Variants in TBC1D22B observed in about 807,000 individuals in gnomAD.
TBC1D22B encodes the protein TBC1 domain family member 22B.
In TBC1D22B, 32 loss-of-function variants were observed where a neutral mutation model predicts 69.1. The ratio of observed to expected loss-of-function variants is 0.46; its 90% CI spans 0.35 to 0.62. The LOEUF is 0.62. TBC1D22B is among the 20% of genes least tolerant of loss of function. The pLI, the probability that TBC1D22B is intolerant of heterozygous loss-of-function variation, is 0.00. For missense variants in TBC1D22B, 462 were observed against 630.9 expected, an observed-to-expected ratio of 0.73 and a Z score of 2.87; for synonymous variants, 206 against 229.8, an observed-to-expected ratio of 0.90 and a Z score of 0.94.
chr6:37,295,406 A>G (rs1229698442), intron 8 of TBC1D22B, among the ~76,000 whole-genome samples: 1 of 152,202 alleles, frequency 6.6e-6, no homozygotes, highest in Non-Finnish European at 1.5e-5. Flanking sequence ...ACACCTGGCC[A>G]GATTGACTTC....
At chr6:37,330,994 C>A in intron 12 of TBC1D22B, 50 bp from the exon 13 acceptor site, 1 of 1,607,162 alleles carries the variant, frequency 6.2e-7, no homozygotes, top group South Asian at 1.1e-5. Flanking sequence ...GTTCACTTGT[C>A]TGATGGTCTA....
At chr6:37,279,235 A>C in intron 2 of TBC1D22B, 69 bp from the exon 3 acceptor site, 1 of 1,386,324 alleles carries the variant, frequency 7.2e-7, no homozygotes, top group African/African-American at 1.5e-5. Context: ...TAATATTACA[A>C]TAATAAGCAA....
chr6:37,328,574 C>T (rs575216004), intron 12 of TBC1D22B, among the ~76,000 whole-genome samples: 5 of 152,028 alleles, frequency 3.3e-5, no homozygotes, highest in Admixed American at 6.6e-5. Flanking sequence ...GAAATGCTTA[C>T]GGTAAATGTT....
chr6:37,299,101 T>C (rs1182263481), intron 8 of TBC1D22B, among the ~76,000 whole-genome samples: 1 of 152,236 alleles, frequency 6.6e-6, no homozygotes, highest in Non-Finnish European at 1.5e-5. Context: ...GGATGAAGTC[T>C]AGTGTATTTC....
chr6:37,327,903 T>A (rs1393984720), intron 12 of TBC1D22B, among the ~76,000 whole-genome samples: 1 of 152,086 alleles, frequency 6.6e-6, no homozygotes, highest in East Asian at 1.9e-4. Flanking sequence ...AGGGAAGACT[T>A]TGCATTAGCA....
At chr6:37,283,545 G>A (rs1157717839) in intron 5 of TBC1D22B, among the ~76,000 whole-genome samples, 2 of 152,178 alleles carry the variant, frequency 1.3e-5, no homozygotes, top group Non-Finnish European at 2.9e-5. Flanking sequence ...CACTCTCCAG[G>A]CACTCACTGC....
chr6:37,327,062 A>T (rs1236386223), intron 12 of TBC1D22B, among the ~76,000 whole-genome samples: 1 of 152,132 alleles, frequency 6.6e-6, no homozygotes, highest in Middle Eastern at 3.2e-3. Context: ...TGGGATAGGG[A>T]CATGGTGCGG....
In TBC1D22B at chr6:37,327,206, C is replaced by T. The variant is rs940185967; in HGVS notation, c.1390-3838C>T. Among the ~76,000 whole-genome samples the T allele has an allele frequency of 1.3e-4, 12 of 94,902 alleles. 1 individual carries two copies. Among genetic ancestry groups the T allele is most frequent in the South Asian group, 5.6e-4 (2 of 3,576 alleles). 62.3% of individuals were successfully genotyped at this position (94,902 alleles called of 152,430 possible). A position where few individuals can be genotyped will look rare whatever the true frequency, so the allele number is the denominator to read the frequency against. On this transcript the variant is annotated intron_variant, in intron 12 of 12. Transcript: ENST00000373491. ...AAATAAGTTGAGATAGGGCCGGGCG[C>T]GGTGGCTCGCGCCTGTAATCCCAGC...
intron 8 of TBC1D22B, among the ~76,000 whole-genome samples, chr6:37,312,596 T>G (rs565500898): frequency 6.6e-6 from 1 of 152,222 alleles, no homozygotes; most frequent in Non-Finnish European, 1.5e-5. Flanking sequence ...TATAATTCAT[T>G]GAACATGAGA....
At position 37,266,466 on chromosome 6, in the gene TBC1D22B, C is replaced by CT. The variant is rs11336445; in HGVS notation, c.57-3115dup. On this transcript the variant is annotated intron_variant, in intron 1 of 12. Transcript: ENST00000373491. ...TCAGTGAATATAGAACTGCCTCATTCTTTTTTTTTTTTTGAGACGGAGTCT... is the reference window on the plus strand; with the variant it reads ...TCAGTGAATATAGAACTGCCTCATTCTTTTTTTTTTTTTTGAGACGGAGTCT... Among the ~76,000 whole-genome samples, 411 of 142,820 alleles carry CT rather than the reference C, an allele frequency of 2.9e-3. 3 individuals carry two copies. The highest frequency in any genetic ancestry group is 9.4e-3 in the African/African-American group (366 of 39,022). 93.7% of individuals were successfully genotyped at this position (142,820 alleles called of 152,430 possible).
intron 8 of TBC1D22B, among the ~76,000 whole-genome samples, chr6:37,308,731 A>T (rs890051505): frequency 6.6e-6 from 1 of 152,212 alleles, no homozygotes. Flanking sequence ...GAGAACTTTT[A>T]AAATTGACTT....
At chr6:37,271,302 G>C (rs558579014) in intron 2 of TBC1D22B, among the ~76,000 whole-genome samples, 1 of 152,290 alleles carries the variant, frequency 6.6e-6, no homozygotes, top group African/African-American at 2.4e-5. Context: ...AACAGAGCAA[G>C]ACTCTGTCTC....
At chr6:37,263,363 G>C (rs1304139518) in intron 1 of TBC1D22B, among the ~76,000 whole-genome samples, 1 of 152,216 alleles carries the variant, frequency 6.6e-6, no homozygotes, top group South Asian at 2.1e-4. Flanking sequence ...CAAAGAGCAA[G>C]ATGTAGAAAG....
Position 37,263,386 on chromosome 6 carries a change from T to C in TBC1D22B, c.56+5413T>C, listed in dbSNP as rs117179940. ...AAGATGTAGAAAGATATGTGCAATG[T>C]GCAGTCTTTTATGTGAAGTTTAAAA... On this transcript the variant is annotated intron_variant, in intron 1 of 12. Transcript: ENST00000373491. Among the ~76,000 whole-genome samples, 56 of 152,356 alleles carry C rather than the reference T, an allele frequency of 3.7e-4. 1 individual carries two copies. In the East Asian group the frequency reaches 0.011, roughly 29 times the overall value.
intron 12 of TBC1D22B, among the ~76,000 whole-genome samples, chr6:37,327,652 G>C (rs558337859): frequency 1.3e-5 from 2 of 152,304 alleles, no homozygotes; most frequent in Admixed American, 1.3e-4. Context: ...ATCAGCTAAA[G>C]GCAGAGTTTT....
intron 1 of TBC1D22B, among the ~76,000 whole-genome samples, chr6:37,262,563 A>G (rs1766142624): frequency 6.6e-6 from 1 of 152,240 alleles, no homozygotes; most frequent in Non-Finnish European, 1.5e-5. Context: ...CCGATCCTAA[A>G]ATAATAATGA....
At chr6:37,315,265 C>T (rs1768042867) in intron 10 of TBC1D22B, among the ~76,000 whole-genome samples, 1 of 152,076 alleles carries the variant, frequency 6.6e-6, no homozygotes, top group African/African-American at 2.4e-5. Flanking sequence ...AGTAATACTT[C>T]CTCATTAAAA....
rs1766418841 is a variant in TBC1D22B, at chr6:37,269,658, A to G, written c.113+8A>G. The G allele has an allele frequency of 6.2e-7, 1 of 1,613,962 alleles. No homozygotes were observed. The highest frequency in any genetic ancestry group is 8.5e-7 in the Non-Finnish European group (1 of 1,179,986). ...CCCACGGCTCACCAAAAAGTAAGTC[A>G]AGACATTTTCGTTTTATCTATCTAC... On this transcript the variant is annotated splice_region_variant and intron_variant, in intron 2 of 12. Transcript: ENST00000373491.
At chr6:37,285,315 C>CTTTTTTTTTTTTTTTTTTTTTT (rs756459599) in intron 6 of TBC1D22B, among the ~76,000 whole-genome samples, 3 of 73,552 alleles carry the variant, frequency 4.1e-5, no homozygotes, top group African/African-American at 1.8e-4. Flanking sequence ...TCCTTCCCCA[C>CTTTTTTTTTTTTTTTTTTTTTT]TTTTTTTTTT....
Sources: allele counts gnomAD v4.1 joint callset (sites outside exome capture counted in the v4.1 genomes callset), GRCh38; gene constraint gnomAD v4.1.1; transcripts MANE v1.5; gene names NCBI Gene and HGNC (gene_info 2026-07-23, HGNC 2026-07-21).